Variants in UHRF2 observed in about 807,000 individuals in gnomAD.
UHRF2 encodes the protein ubiquitin like with PHD and ring finger domains 2.
Under a neutral mutation model 96.8 loss-of-function variants are expected in UHRF2, and 23 were observed. That is an observed-to-expected ratio of 0.24 (90% CI 0.17 to 0.34). UHRF2 has a LOEUF of 0.34. Ranked by LOEUF, UHRF2 falls within the 10% of genes least tolerant of loss-of-function variation. The probability of loss-of-function intolerance (pLI) is 1.00; values close to 1 mark genes in which losing one functional copy is unlikely to be tolerated. For synonymous variants in UHRF2, 385 were observed against 332.6 expected (o/e 1.16, Z -1.72); for missense variants, 685 against 981.5 (o/e 0.70, Z 4.04).
chr9:6,432,967 A>C (rs1820641592), intron 2 of UHRF2, among the ~76,000 whole-genome samples: 1 of 152,058 alleles, frequency 6.6e-6, no homozygotes, highest in African/African-American at 2.4e-5. Flanking sequence ...TAGCCTCCTG[A>C]ATAGCTGGGA....
At chr9:6,457,527 G>C (rs1288854817) in intron 3 of UHRF2, among the ~76,000 whole-genome samples, 1 of 152,158 alleles carries the variant, frequency 6.6e-6, no homozygotes, top group Non-Finnish European at 1.5e-5. Flanking sequence ...GCCCTGGCCA[G>C]AACTTCCAAC....
At chr9:6,492,213 T>G (rs994899366) in intron 9 of UHRF2, 2 of 439,292 alleles carry the variant, frequency 4.6e-6, no homozygotes, top group African/African-American at 4.1e-5. Context: ...CAGAAATGTT[T>G]TAAATACTAT....
At chr9:6,454,936 G>A (rs987726609) in intron 3 of UHRF2, among the ~76,000 whole-genome samples, 4 of 152,186 alleles carry the variant, frequency 2.6e-5, no homozygotes, top group Non-Finnish European at 5.9e-5. Flanking sequence ...TTCTGACTAA[G>A]GGTCTGAGAT....
intron 3 of UHRF2, among the ~76,000 whole-genome samples, chr9:6,457,258 T>G (rs1822239718): frequency 6.6e-6 from 1 of 152,192 alleles, no homozygotes; most frequent in South Asian, 2.1e-4. Flanking sequence ...TATTTTATTC[T>G]CTTTGTAGCA....
chr9:6,444,237 A>G (rs181540848), intron 3 of UHRF2, among the ~76,000 whole-genome samples: 3 of 152,286 alleles, frequency 2.0e-5, no homozygotes, highest in Non-Finnish European at 2.9e-5. Context: ...TGTCTGCTCT[A>G]TTGCTTCTTG....
At chr9:6,460,436 T>C in intron 3 of UHRF2, 137 bp from the exon 4 acceptor site, 1 of 660,606 alleles carries the variant, frequency 1.5e-6, no homozygotes, top group Non-Finnish European at 2.5e-6. Flanking sequence ...TAATAACACC[T>C]GCTATTTAAG....
chr9:6,464,903 C>G (rs542281441), intron 4 of UHRF2, among the ~76,000 whole-genome samples: 1 of 152,122 alleles, frequency 6.6e-6, no homozygotes, highest in East Asian at 1.9e-4. Context: ...TTTTCTCTTT[C>G]TGGTATATAG....
At chr9:6,462,002 A>G (rs1822571749) in intron 4 of UHRF2, among the ~76,000 whole-genome samples, 1 of 152,036 alleles carries the variant, frequency 6.6e-6, no homozygotes, top group Non-Finnish European at 1.5e-5. Flanking sequence ...GTTTTTAAAA[A>G]AAAAAAAATA....
At chr9:6,462,479 G>A (rs1435170249) in intron 4 of UHRF2, among the ~76,000 whole-genome samples, 1 of 152,212 alleles carries the variant, frequency 6.6e-6, no homozygotes, top group Non-Finnish European at 1.5e-5. Flanking sequence ...TGATATGGAT[G>A]CAAATCATGA....
At chr9:6,454,367 T>C (rs139710116) in intron 3 of UHRF2, among the ~76,000 whole-genome samples, 2 of 152,228 alleles carry the variant, frequency 1.3e-5, no homozygotes, top group Non-Finnish European at 2.9e-5. Context: ...GGAAAGATGA[T>C]GATTGAGGCT....
At chr9:6,459,763 A>G (rs1056425502) in intron 3 of UHRF2, among the ~76,000 whole-genome samples, 3 of 152,242 alleles carry the variant, frequency 2.0e-5, no homozygotes, top group Non-Finnish European at 4.4e-5. Flanking sequence ...GCTTGAGGCC[A>G]GGAGTTCTAA....
intron 4 of UHRF2, among the ~76,000 whole-genome samples, chr9:6,469,411 G>A (rs1200315212): frequency 3.3e-5 from 5 of 151,876 alleles, no homozygotes; most frequent in East Asian, 3.9e-4. Flanking sequence ...CCAGCTACTC[G>A]GGAGGCTGAG....
At position 6,413,673 on chromosome 9, in the gene UHRF2, G is replaced by T. The variant is rs371485202; in HGVS notation, c.153+30G>T. The T allele has an allele frequency of 2.3e-4, 354 of 1,538,844 alleles. 2 individuals carry two copies. The South Asian group carries it at 3.9e-3, about 17-fold the overall frequency. On this transcript the variant is annotated intron_variant, in intron 1 of 15. Coordinates refer to ENST00000276893, the MANE Select transcript of UHRF2 (RefSeq NM_152896.3). ...GGCGCGCCCGCCGCGCCCCTAGCGA[G>T]GCTGGGGGCCGGAACAGCTGGGCTC... is the stretch of plus-strand genomic sequence containing the variant.
chr9:6,502,410 A>G (rs558950880), intron 14 of UHRF2, among the ~76,000 whole-genome samples: 11 of 152,292 alleles, frequency 7.2e-5, no homozygotes, highest in African/African-American at 2.6e-4. Flanking sequence ...TTCCTCAGAG[A>G]GATCTTCCCA....
chr9:6,427,425 A>T (rs1339170210), intron 2 of UHRF2, among the ~76,000 whole-genome samples: 8 of 152,092 alleles, frequency 5.3e-5, no homozygotes, highest in Non-Finnish European at 1.2e-4. Context: ...AGTGGCTCAC[A>T]CCTGTAATCC....
intron 1 of UHRF2, among the ~76,000 whole-genome samples, chr9:6,418,259 C>CTTTTTT (rs200084021): frequency 4.0e-5 from 5 of 124,896 alleles, no homozygotes; most frequent in Non-Finnish European, 7.0e-5. Flanking sequence ...GAGGATGTTC[C>CTTTTTT]TTTTTTTTTT....
intron 2 of UHRF2, among the ~76,000 whole-genome samples, chr9:6,425,038 G>T (rs982897929): frequency 2.6e-5 from 4 of 152,096 alleles, no homozygotes; most frequent in African/African-American, 9.7e-5. Context: ...GGTAGTGTTT[G>T]TCAAGTTTCT....
At chr9:6,483,956 T>G (rs1225233236) in intron 8 of UHRF2, among the ~76,000 whole-genome samples, 1 of 152,222 alleles carries the variant, frequency 6.6e-6, no homozygotes, top group African/African-American at 2.4e-5. Context: ...CCCAAAGTGC[T>G]GGGATTACAG....
chr9:6,488,692 G>A (rs1824467591), intron 9 of UHRF2, among the ~76,000 whole-genome samples: 1 of 151,194 alleles, frequency 6.6e-6, no homozygotes, highest in South Asian at 2.1e-4. Flanking sequence ...ACTAGAGATG[G>A]GGTTTCTCCA....
Sources: gnomAD v4.1 joint callset for allele counts (sites outside exome capture counted in the v4.1 genomes callset) on GRCh38, gnomAD v4.1.1 for gene constraint, MANE v1.5 for transcripts, NCBI Gene and HGNC (gene_info 2026-07-23, HGNC 2026-07-21) for gene names.